Variants in TK2 observed in about 807,000 individuals in gnomAD.
TK2 encodes the protein thymidine kinase 2.
TK2 carries 35 observed loss-of-function variants against 41.9 expected under a neutral mutation model. The ratio of observed to expected loss-of-function variants is 0.84; its 90% CI spans 0.64 to 1.11. TK2 has a LOEUF of 1.11. TK2 is among the 50% of genes least tolerant of loss of function. TK2 has a pLI of 0.00. For missense variants in TK2, 320 were observed against 351.1 expected, an observed-to-expected ratio of 0.91 and a Z score of 0.71; for synonymous variants, 128 against 129.1, an observed-to-expected ratio of 0.99 and a Z score of 0.06.
Position 66,514,268 on chromosome 16 carries a change from C to T in TK2, c.619-457G>A, listed in dbSNP as rs1040093209. On this transcript the variant is annotated intron_variant, in intron 8 of 9. Transcript: ENST00000544898. This position sits in a 1 kb window ranked among gnomAD's most constrained non-coding sequence, Gnocchi z 4.2. ...CCAAGTGCCTGGGATTGCAGGCGCG[C>T]ACCGCCATGCCTGACTGGTTTTCGT... Among the ~76,000 whole-genome samples the T allele has an allele frequency of 2.0e-5, 3 of 152,248 alleles. No individual in the cohort carries two copies. The highest frequency in any genetic ancestry group is 7.2e-5 in the African/African-American group (3 of 41,468).
chr16:66,529,108 A>G, intron 5 of TK2, 41 bp from the exon 6 acceptor site: 1 of 1,594,198 alleles, frequency 6.3e-7, no homozygotes, highest in Non-Finnish European at 8.6e-7. Context: ...TCAGGGGAAA[A>G]GGAGACAGCC....
chr16:66,544,290 T>C (rs1199166363), intron 2 of TK2, among the ~76,000 whole-genome samples: 1 of 152,302 alleles, frequency 6.6e-6, no homozygotes, highest in East Asian at 1.9e-4. Flanking sequence ...CATTTCTTTT[T>C]AAAGTGATGT....
intron 8 of TK2, among the ~76,000 whole-genome samples, chr16:66,516,253 A>G (rs1288588317): frequency 6.6e-6 from 1 of 152,218 alleles, no homozygotes; most frequent in Non-Finnish European, 1.5e-5. Context: ...ACATCTGAGT[A>G]ACACTTTAAA....
intron 2 of TK2, among the ~76,000 whole-genome samples, chr16:66,546,990 C>T (rs532354757): frequency 6.6e-6 from 1 of 152,142 alleles, no homozygotes; most frequent in Non-Finnish European, 1.5e-5. Flanking sequence ...TGAGCTCAAG[C>T]AATCCTCCCA....
At chr16:66,532,180 T>C (rs1289082679) in intron 4 of TK2, among the ~76,000 whole-genome samples, 1 of 146,218 alleles carries the variant, frequency 6.8e-6, no homozygotes. Flanking sequence ...CTGTTAGAAC[T>C]GATGAACGAA....
At chr16:66,531,562 T>G (rs1006116331) in intron 4 of TK2, 93 bp from the exon 5 acceptor site, 2 of 1,221,492 alleles carry the variant, frequency 1.6e-6, no homozygotes, top group Non-Finnish European at 2.4e-6. Context: ...TCAAGAAACC[T>G]ACACAGGCAG....
In TK2 at chr16:66,541,963, G is replaced by T. The variant is rs774411439; in HGVS notation, c.157-10C>A. On this transcript the variant is annotated splice_polypyrimidine_tract_variant and intron_variant, in intron 2 of 9. Coordinates refer to ENST00000544898, the MANE Select transcript of TK2 (RefSeq NM_004614.5). ...TGCCCTCGACACAGATCTGGCAAAA[G>T]ACGAATGCATATTAGAGCCAGAACT... 6.2e-7 allele frequency: 1 copy of T among 1,614,040 alleles called. No individual in the cohort carries two copies. The highest frequency in any genetic ancestry group is 2.2e-5 in the East Asian group (1 of 44,876).
rs1964353760 is a variant in TK2, at chr16:66,508,387, T to C, written c.*3581A>G. The C allele has an allele frequency of 1.3e-5, 2 of 152,254 alleles. No homozygotes were observed. Among genetic ancestry groups the C allele is most frequent in the Non-Finnish European group, 2.9e-5 (2 of 68,036 alleles). The allele number at this position is 152,254 out of a possible 1,614,324, so 9.4% of individuals were successfully genotyped here. A position where few individuals can be genotyped will look rare whatever the true frequency, so the allele number is the denominator to read the frequency against. On this transcript the variant is annotated 3_prime_UTR_variant, in exon 10 of 10. Transcript: ENST00000544898. ...CAGTAACCCTGAGGCCTTCAGTGAG[T>C]AATCCTGGCCAAGCCCAGGGCAGCC...
intron 6 of TK2, among the ~76,000 whole-genome samples, chr16:66,518,802 T>C (rs542984947): frequency 2.0e-5 from 3 of 152,170 alleles, no homozygotes; most frequent in Non-Finnish European, 4.4e-5. Flanking sequence ...AAGAAAAATA[T>C]CAAAATGTAA....
chr16:66,518,824 C>T (rs1386101486), intron 6 of TK2, among the ~76,000 whole-genome samples: 5 of 152,206 alleles, frequency 3.3e-5, no homozygotes, highest in African/African-American at 1.2e-4. Flanking sequence ...AAGTGCTTTT[C>T]TCAAGCTGCA....
rs1349341053 is a variant in TK2 at position 66,515,200 on chromosome 16, T to C, written c.619-1389A>G. The stretch of plus-strand genomic sequence containing the variant: ...AAAAAAAAAAGGCAGGACCCACACC[T>C]GGCTTCTCCCATTTACTGCCACTTT... On this transcript the variant is annotated intron_variant, in intron 8 of 9. Transcript: ENST00000544898. Among the ~76,000 whole-genome samples, 8 of 148,056 alleles carry C rather than the reference T, an allele frequency of 5.4e-5. No individual in the cohort carries two copies. The South Asian group carries it at 1.5e-3, about 27-fold the overall frequency.
rs1395399302 is a variant in TK2 at position 66,550,031 on chromosome 16, C to T, written c.31G>A (p.Ala11Thr). The T allele has an allele frequency of 1.1e-5, 17 of 1,552,694 alleles. No homozygotes were observed. The highest frequency in any genetic ancestry group is 1.4e-5 in the Non-Finnish European group (16 of 1,149,838). MLLWPLRGWA[A>T]RALRCFGPGS... Reference sequence around the variant, plus strand: ...GGCCCAAAGCAGCGCAGCGCCCGGGCGGCCCAGCCCCGCAGCGGCCACAGC... The same window carrying T: ...GGCCCAAAGCAGCGCAGCGCCCGGGTGGCCCAGCCCCGCAGCGGCCACAGC... The change falls in exon 1 of 10, where the codon GCC becomes ACC. Residue 11 changes from alanine to threonine, a missense_variant. By Grantham distance (58) the Ala-to-Thr change is moderately conservative (BLOSUM62 0). Coordinates refer to ENST00000544898, the MANE Select transcript of TK2 (RefSeq NM_004614.5).
chr16:66,523,772 T>C (rs1276487389), intron 6 of TK2, among the ~76,000 whole-genome samples: 1 of 152,138 alleles, frequency 6.6e-6, no homozygotes, highest in Non-Finnish European at 1.5e-5. Context: ...GAGGTTGCAG[T>C]GAGCTGAGAT....
intron 5 of TK2, among the ~76,000 whole-genome samples, chr16:66,529,297 C>T (rs970144162): frequency 6.6e-6 from 1 of 152,232 alleles, no homozygotes; most frequent in Non-Finnish European, 1.5e-5. Context: ...GCCCCACACC[C>T]CAAAGCTGCA....
intron 6 of TK2, among the ~76,000 whole-genome samples, chr16:66,528,368 G>C (rs755716): frequency 0.064 from 9,733 of 152,264 alleles, 423 homozygotes; most frequent in South Asian, 0.18. Flanking sequence ...ATACATCACA[G>C]AGTCTGCTCT....
chr16:66,533,725 C>T (rs1487920118), intron 4 of TK2, among the ~76,000 whole-genome samples: 2 of 151,930 alleles, frequency 1.3e-5, no homozygotes, highest in Non-Finnish European at 2.9e-5. Context: ...ATGACTGGAT[C>T]GGCCGGGCAT....
At chr16:66,548,865 TG>T in intron 2 of TK2, 112 bp downstream of exon 2, 1 of 993,258 alleles carries the variant, frequency 1.0e-6, no homozygotes, top group South Asian at 1.4e-5. Context: ...GAGATCCTCT[TG>T]TATTTTTGCT....
At chr16:66,532,830 T>G (rs1208729725) in intron 4 of TK2, among the ~76,000 whole-genome samples, 2 of 151,754 alleles carry the variant, frequency 1.3e-5, no homozygotes, top group African/African-American at 4.8e-5. Flanking sequence ...CAATGTAATC[T>G]CTATCAAAAT....
At position 66,536,880 on chromosome 16, in the gene TK2, G is replaced by A. The variant is rs1965300772; in HGVS notation, c.285+84C>T. ...AGTTAAGAGCGCAGAGAATGCCTGG[G>A]CAGGCAGGGCTCAGGCAGAGGCACC... On this transcript the variant is annotated intron_variant, in intron 4 of 9. Transcript: ENST00000544898. 6.6e-6 allele frequency: 10 copies of A among 1,509,736 alleles called. No homozygotes were observed. In the South Asian group the frequency reaches 1.0e-4, roughly 15 times the overall value. The allele number at this position is 1,509,736 out of a possible 1,614,324, so 93.5% of individuals were successfully genotyped here.
Sources: allele counts gnomAD v4.1 joint callset (sites outside exome capture counted in the v4.1 genomes callset), GRCh38; gene constraint gnomAD v4.1.1; non-coding constraint Gnocchi (gnomAD v3.1); transcripts MANE v1.5; gene names NCBI Gene and HGNC (gene_info 2026-07-23, HGNC 2026-07-21).